The following COL11A1 variants were observed in gnomAD, a reference collection of about 807,000 sequenced individuals.
The protein encoded by COL11A1 is collagen type XI alpha 1 chain, also known as collagen alpha-1(XI) chain.
COL11A1 carries 74 observed loss-of-function variants against 265.2 expected under a neutral mutation model. That is an observed-to-expected ratio of 0.28 (90% CI 0.23 to 0.34). The LOEUF (loss-of-function observed/expected upper bound fraction) is 0.34. Ranked by LOEUF, COL11A1 falls within the 10% of genes least tolerant of loss-of-function variation. COL11A1 has a pLI of 1.00. For synonymous variants in COL11A1, 816 were observed against 727.6 expected, an observed-to-expected ratio of 1.12 and a Z score of -1.96; for missense variants, 2,165 against 2,263.6, an observed-to-expected ratio of 0.96 and a Z score of 0.88.
At chr1:103,003,322 A>C in intron 20 of COL11A1, 54 bp from the exon 21 acceptor site, 3 of 1,505,088 alleles carry the variant, frequency 2.0e-6, no homozygotes, top group South Asian at 1.2e-5. Flanking sequence ...TGTCCTAATA[A>C]CATGCCTCTT....
At chr1:103,061,085 T>C (rs1670639781) in intron 4 of COL11A1, among the ~76,000 whole-genome samples, 1 of 151,826 alleles carries the variant, frequency 6.6e-6, no homozygotes, top group Admixed American at 6.6e-5. Context: ...CTAAAACTAA[T>C]AAAAAGAAAA....
At chr1:103,039,136 CTT>C (rs1668612523) in intron 4 of COL11A1, among the ~76,000 whole-genome samples, 1 of 152,160 alleles carries the variant, frequency 6.6e-6, no homozygotes, top group South Asian at 2.1e-4. Context: ...AAGACAGTGA[CTT>C]TTATTTATTT....
chr1:102,980,242 T>A (rs1306242985), intron 31 of COL11A1, among the ~76,000 whole-genome samples: 1 of 152,062 alleles, frequency 6.6e-6, no homozygotes, highest in Non-Finnish European at 1.5e-5. Flanking sequence ...GTATAATTAA[T>A]AATTATTTTA....
chr1:102,941,472 C>A (rs778439227), intron 42 of COL11A1, among the ~76,000 whole-genome samples: 8 of 152,180 alleles, frequency 5.3e-5, no homozygotes, highest in Non-Finnish European at 1.2e-4. Flanking sequence ...GGCAGCCTAC[C>A]ATGATCTAGC....
intron 41 of COL11A1, among the ~76,000 whole-genome samples, chr1:102,955,263 A>G (rs575975629): frequency 1.3e-5 from 2 of 152,348 alleles, no homozygotes; most frequent in African/African-American, 2.4e-5. Flanking sequence ...AGAAAAAAAA[A>G]TAAGAGGAAT....
chr1:102,989,205 T>C (rs1389645492), intron 29 of COL11A1, among the ~76,000 whole-genome samples: 1 of 151,874 alleles, frequency 6.6e-6, no homozygotes, highest in Non-Finnish European at 1.5e-5. Context: ...AGTAATTTGA[T>C]CTAACTTTCT....
At chr1:102,903,755 C>T (rs886495696) in intron 54 of COL11A1, among the ~76,000 whole-genome samples, 1 of 152,174 alleles carries the variant, frequency 6.6e-6, no homozygotes, top group Non-Finnish European at 1.5e-5. Context: ...TCATAGAATT[C>T]ACTCTGCATT....
intron 1 of COL11A1, among the ~76,000 whole-genome samples, chr1:103,103,909 A>T (rs915572794): frequency 6.6e-6 from 1 of 152,072 alleles, no homozygotes; most frequent in Non-Finnish European, 1.5e-5. Context: ...CTCTCCTCTC[A>T]TTCCATTGTC....
chr1:103,008,210 C>A lies in COL11A1; in HGVS notation c.1683+253G>T, dbSNP rs532614364. ...AATATCAGTATTTTTACACGATTCC[C>A]AGTTAAGCTGCATTTTCCATCCTTT... On this transcript the variant is annotated intron_variant, in intron 15 of 66. Coordinates refer to ENST00000370096, the MANE Select transcript of COL11A1 (RefSeq NM_001854.4). Among the ~76,000 whole-genome samples the A allele has an allele frequency of 2.2e-4, 34 of 152,262 alleles. No individual in the cohort carries two copies. In the South Asian group the frequency reaches 4.8e-3, roughly 21 times the overall value.
At chr1:102,913,723 T>C (rs968140908) in intron 52 of COL11A1, 33 bp from the exon 53 acceptor site, 4 of 1,583,890 alleles carry the variant, frequency 2.5e-6, no homozygotes, top group Non-Finnish European at 3.5e-6. Context: ...AAGCAAGATA[T>C]ATCTCAGTAT....
chr1:102,911,844 T>C (rs867358150), intron 54 of COL11A1, among the ~76,000 whole-genome samples: 12 of 152,186 alleles, frequency 7.9e-5, no homozygotes, highest in Admixed American at 5.9e-4. Flanking sequence ...TGTATTACAA[T>C]AGGAGTTAAT....
intron 4 of COL11A1, among the ~76,000 whole-genome samples, chr1:103,054,425 T>C (rs1670065388): frequency 6.6e-6 from 1 of 152,176 alleles, no homozygotes; most frequent in Middle Eastern, 3.2e-3. Context: ...TCAAATGGCA[T>C]TTTGCTTTTG....
intron 54 of COL11A1, among the ~76,000 whole-genome samples, chr1:102,902,989 G>GAAATTAAATTCCA (rs1653426616): frequency 1.3e-5 from 2 of 151,744 alleles, no homozygotes; most frequent in Non-Finnish European, 2.9e-5. Context: ...TTTTTATTGT[G>GAAATTAAATTCCA]AACTTCCCTT....
At chr1:103,018,900 A>AC (rs749549866) in intron 9 of COL11A1, 41 bp from the exon 10 acceptor site, 47 of 1,505,434 alleles carry the variant, frequency 3.1e-5, no homozygotes, top group Non-Finnish European at 3.9e-5. Context: ...GGGAAATATA[A>AC]CCCCCAACCT....
Position 103,031,249 on chromosome 1 carries a change from G to GAAAAAAAAAAAAAAAAAAAA in COL11A1, c.652-6_652-5insTTTTTTTTTTTTTTTTTTTT. ...CAAAAACTGCTGAATGTCCCCCTGG[G>GAAAAAAAAAAAAAAAAAAAA]AAAAAAAAAAAAACAAAAACAAACA... On this transcript the variant is annotated splice_polypyrimidine_tract_variant and splice_region_variant and intron_variant, in intron 4 of 66. Coordinates refer to ENST00000370096, the MANE Select transcript of COL11A1 (RefSeq NM_001854.4). The GAAAAAAAAAAAAAAAAAAAA allele has an allele frequency of 7.3e-7, 1 of 1,363,306 alleles. No individual in the cohort carries two copies. Among genetic ancestry groups the GAAAAAAAAAAAAAAAAAAAA allele is most frequent in the Non-Finnish European group, 1.0e-6 (1 of 996,630 alleles). The allele number at this position is 1,363,306 out of a possible 1,614,324, so 84.5% of individuals were successfully genotyped here. A position where few individuals can be genotyped will look rare whatever the true frequency, so the allele number is the denominator to read the frequency against.
intron 54 of COL11A1, among the ~76,000 whole-genome samples, chr1:102,900,822 A>C (rs1186133380): frequency 6.6e-6 from 1 of 152,158 alleles, no homozygotes; most frequent in Non-Finnish European, 1.5e-5. Context: ...CATAGTAAAA[A>C]TTTTATTAAA....
chr1:103,066,007 A>G (rs1671112110), intron 4 of COL11A1, among the ~76,000 whole-genome samples: 1 of 152,152 alleles, frequency 6.6e-6, no homozygotes, highest in Admixed American at 6.5e-5. Context: ...CAGTCCTAAA[A>G]TAATAAAACT....
chr1:103,070,198 C>A (rs1671468357), intron 4 of COL11A1, among the ~76,000 whole-genome samples: 1 of 116,170 alleles, frequency 8.6e-6, no homozygotes, highest in Non-Finnish European at 1.8e-5. Context: ...GTGTTAAAAT[C>A]CTACTCAGCA....
At chr1:102,956,826 T>C (rs1362921374) in intron 41 of COL11A1, among the ~76,000 whole-genome samples, 4 of 151,856 alleles carry the variant, frequency 2.6e-5, no homozygotes, top group Non-Finnish European at 5.9e-5. Flanking sequence ...TTGACTCCAT[T>C]ATTTCTGTAA....
Sources: gnomAD v4.1 joint callset for allele counts (sites outside exome capture counted in the v4.1 genomes callset) on GRCh38, gnomAD v4.1.1 for gene constraint, MANE v1.5 for transcripts, NCBI Gene and HGNC (gene_info 2026-07-23, HGNC 2026-07-21) for gene names.